Variants in SH3PXD2B observed in about 807,000 individuals in gnomAD.
The protein encoded by SH3PXD2B is SH3 and PX domains 2B, also known as SH3 and PX domain-containing protein 2B.
A neutral mutation model predicts 73.1 loss-of-function variants in SH3PXD2B; 37 were observed. That is an observed-to-expected ratio of 0.51 (90% CI 0.39 to 0.67). The LOEUF (loss-of-function observed/expected upper bound fraction) is 0.67. SH3PXD2B is among the 30% of genes least tolerant of loss of function. The probability of loss-of-function intolerance (pLI) is 0.00; values close to 1 mark genes in which losing one functional copy is unlikely to be tolerated. For synonymous variants in SH3PXD2B, 457 were observed against 480.5 expected, an observed-to-expected ratio of 0.95 and a Z score of 0.64; for missense variants, 1,053 against 1,197.8, an observed-to-expected ratio of 0.88 and a Z score of 1.78.
intron 2 of SH3PXD2B, among the ~76,000 whole-genome samples, chr5:172,411,251 A>G (rs1758685294): frequency 6.6e-6 from 1 of 151,840 alleles, no homozygotes. Context: ...CCACCCTAAC[A>G]TGACTATTTC....
chr5:172,351,624 G>A lies in SH3PXD2B; in HGVS notation c.786-1035C>T, dbSNP rs114893209. On this transcript the variant is annotated intron_variant, in intron 9 of 12. Transcript: ENST00000311601. ...CAACTGGCAAACACTGTAACTCAGA[G>A]TATTTTTCCTTGGAGAGCTGGTTGT... Among the ~76,000 whole-genome samples, 1,185 of 152,234 alleles carry A rather than the reference G, an allele frequency of 7.8e-3. 10 individuals are homozygous for A. The highest frequency in any genetic ancestry group is 9.4e-3 in the Non-Finnish European group (640 of 68,004).
intron 1 of SH3PXD2B, among the ~76,000 whole-genome samples, chr5:172,446,275 A>C (rs749436012): frequency 2.0e-4 from 30 of 152,200 alleles, no homozygotes; most frequent in Non-Finnish European, 3.7e-4. Context: ...GAACCAAATT[A>C]GAACCCAGGC....
At chr5:172,401,879 G>C (rs1265570445) in intron 3 of SH3PXD2B, among the ~76,000 whole-genome samples, 4 of 152,126 alleles carry the variant, frequency 2.6e-5, no homozygotes, top group Non-Finnish European at 5.9e-5. Flanking sequence ...CGTAAGCTGA[G>C]GATGTATGTC....
At chr5:172,401,570 G>A (rs1758421623) in intron 3 of SH3PXD2B, among the ~76,000 whole-genome samples, 1 of 152,136 alleles carries the variant, frequency 6.6e-6, no homozygotes, top group Non-Finnish European at 1.5e-5. Flanking sequence ...AGCCTTCATC[G>A]CCATGGCACA....
intron 2 of SH3PXD2B, among the ~76,000 whole-genome samples, chr5:172,419,307 C>T (rs534155892): frequency 6.6e-6 from 1 of 151,868 alleles, no homozygotes; most frequent in East Asian, 1.9e-4. Context: ...TGCATAAGCA[C>T]TTCCAGGGCC....
chr5:172,404,054 G>C (rs1401437850), intron 3 of SH3PXD2B, among the ~76,000 whole-genome samples: 1 of 152,216 alleles, frequency 6.6e-6, no homozygotes, highest in Non-Finnish European at 1.5e-5. Flanking sequence ...TTCTCCAGCA[G>C]GAAAGAAAAT....
intron 6 of SH3PXD2B, among the ~76,000 whole-genome samples, chr5:172,364,881 C>T (rs1757480705): frequency 6.6e-6 from 1 of 151,296 alleles, no homozygotes; most frequent in African/African-American, 2.4e-5. Flanking sequence ...CACTGGAGAG[C>T]TGGTAGTTAA....
At chr5:172,382,596 C>T (rs111815610) in intron 4 of SH3PXD2B, among the ~76,000 whole-genome samples, 2 of 151,646 alleles carry the variant, frequency 1.3e-5, no homozygotes, top group South Asian at 2.1e-4. Context: ...ATGATATACA[C>T]GCATATATTA....
intron 7 of SH3PXD2B, among the ~76,000 whole-genome samples, chr5:172,361,938 CAT>C (rs1221338332): frequency 2.6e-5 from 4 of 152,216 alleles, no homozygotes; most frequent in African/African-American, 9.6e-5. Context: ...GCTAACGTCA[CAT>C]GTTAGCCACA....
intron 1 of SH3PXD2B, 146 bp downstream of exon 1, chr5:172,454,132 C>T (rs1259027486): frequency 3.9e-6 from 2 of 519,464 alleles, no homozygotes; most frequent in African/African-American, 2.2e-5. Context: ...GGGAGGGACC[C>T]GGGCAGCGCC....
intron 10 of SH3PXD2B, among the ~76,000 whole-genome samples, chr5:172,348,687 C>CT (rs1232433625): frequency 6.7e-5 from 3 of 44,518 alleles, no homozygotes; most frequent in African/African-American, 2.0e-4. Context: ...ATCTATCTAT[C>CT]TATCTATCTA....
chr5:172,424,637 C>A (rs74350710), intron 1 of SH3PXD2B, among the ~76,000 whole-genome samples: 7 of 152,122 alleles, frequency 4.6e-5, no homozygotes, highest in African/African-American at 1.7e-4. Context: ...TTGAATGCCA[C>A]GCTAAGGAGT....
rs1757960695 is a variant in SH3PXD2B at position 172,382,080 on chromosome 5, C to T, written c.357G>A (p.Leu119=). ...CCTCAGGTCTTGTCTCAAAGAACTG[C>T]AGCACCTCATCACACTGAGAGATGT... ...PPYISQCDEV[L]QFFETRPEDL... is the part of the protein sequence containing the mutation. Residue 119 remains leucine, a synonymous_variant, in exon 5 of 13, where the codon CTG becomes CTA. Transcript: ENST00000311601. 3 of 1,612,280 alleles carry T rather than the reference C, an allele frequency of 1.9e-6. No individual in the cohort carries two copies. Among genetic ancestry groups the T allele is most frequent in the South Asian group, 2.2e-5 (2 of 90,548 alleles).
At chr5:172,368,862 TA>T (rs1333970674) in intron 6 of SH3PXD2B, among the ~76,000 whole-genome samples, 2 of 121,046 alleles carry the variant, frequency 1.7e-5, no homozygotes, top group African/African-American at 3.3e-5. Flanking sequence ...AGTATATATA[TA>T]TGTTTTTAAA....
chr5:172,370,209 C>A (rs1013531612), intron 6 of SH3PXD2B, among the ~76,000 whole-genome samples: 10 of 152,172 alleles, frequency 6.6e-5, no homozygotes, highest in African/African-American at 2.4e-4. Context: ...ATGACTCCTT[C>A]TTGACTATAA....
intron 3 of SH3PXD2B, among the ~76,000 whole-genome samples, chr5:172,402,450 C>T (rs886441657): frequency 1.3e-5 from 2 of 152,220 alleles, no homozygotes; most frequent in African/African-American, 4.8e-5. Flanking sequence ...CTGTGACCCA[C>T]ACCCTATTCG....
chr5:172,383,571 G>C (rs1368106792), intron 4 of SH3PXD2B, among the ~76,000 whole-genome samples: 2 of 152,190 alleles, frequency 1.3e-5, no homozygotes, highest in Non-Finnish European at 2.9e-5. Flanking sequence ...CCTGGACCAG[G>C]GTAATGAGGA....
chr5:172,372,028 C>T (rs556134146), intron 6 of SH3PXD2B, among the ~76,000 whole-genome samples: 137 of 152,300 alleles, frequency 9.0e-4, no homozygotes, highest in African/African-American at 2.8e-3. Context: ...TAATTCTCGA[C>T]GCCATTCCCT....
In SH3PXD2B at chr5:172,336,577, C is replaced by T. The variant is rs1042561761; in HGVS notation, c.*1792G>A. The T allele has an allele frequency of 6.1e-6, 6 of 985,730 alleles. No homozygotes were observed. Among genetic ancestry groups the T allele is most frequent in the Non-Finnish European group, 6.0e-6 (5 of 830,026 alleles). The allele number at this position is 985,730 out of a possible 1,614,324, so 61.1% of individuals were successfully genotyped here. A position where few individuals can be genotyped will look rare whatever the true frequency, so the allele number is the denominator to read the frequency against. On this transcript the variant is annotated 3_prime_UTR_variant, in exon 13 of 13. Coordinates refer to ENST00000311601, the MANE Select transcript of SH3PXD2B (RefSeq NM_001017995.3). ...GCGCGGCAGAAGAGGGCTGTTCAAG[C>T]AAAACTTTGGCACTGCAGGTAGACA...
Sources: gnomAD v4.1 joint callset for allele counts (sites outside exome capture counted in the v4.1 genomes callset) on GRCh38, gnomAD v4.1.1 for gene constraint, MANE v1.5 for transcripts, NCBI Gene and HGNC (gene_info 2026-07-23, HGNC 2026-07-21) for gene names.